PARP4: variants seen among roughly 807,000 people sequenced by gnomAD.
The protein encoded by PARP4 is poly(ADP-ribose) polymerase family member 4.
Under a neutral mutation model 187.7 loss-of-function variants are expected in PARP4, and 120 were observed. The ratio of observed to expected loss-of-function variants is 0.64; its 90% CI spans 0.55 to 0.74. The LOEUF is 0.74. PARP4 is among the 30% of genes least tolerant of loss of function. The probability of loss-of-function intolerance (pLI) is 0.00; values close to 1 mark genes in which losing one functional copy is unlikely to be tolerated. For missense variants in PARP4, 1,836 were observed against 2,070.5 expected (o/e 0.89, Z 2.20); for synonymous variants, 654 against 740.9 (o/e 0.88, Z 1.90).
In PARP4 at chr13:24,434,993, C is replaced by G. The variant is rs1227665378; in HGVS notation, c.4148G>C (p.Cys1383Ser). The G allele has an allele frequency of 2.5e-6, 4 of 1,613,810 alleles. No homozygotes were observed. The highest frequency in any genetic ancestry group is 3.4e-6 in the Non-Finnish European group (4 of 1,179,960). ...CADWIPQSAS[C>S]PTGPPQNPPS... ...TGGGTTCTGGGGAGGTCCTGTGGGACAAGACGCCGACTGTGGGATCCAGTC... is the reference window on the plus strand; with the variant it reads ...TGGGTTCTGGGGAGGTCCTGTGGGAGAAGACGCCGACTGTGGGATCCAGTC... The change falls in exon 31 of 34, where the codon TGT becomes TCT. Residue 1383 changes from cysteine (C) to serine (S), a missense_variant. Cys to Ser is a moderately radical substitution (Grantham distance 112). This residue lies in a region of PARP4 where 450 missense variants were observed against 439.2 expected (regional missense o/e 1.02). Transcript: ENST00000381989.
intron 12 of PARP4, among the ~76,000 whole-genome samples, chr13:24,480,737 A>G (rs1234748030): frequency 1.3e-5 from 2 of 152,254 alleles, no homozygotes; most frequent in African/African-American, 2.4e-5. Context: ...AGAGGTGAGG[A>G]AACTGCAGAA....
In PARP4 at chr13:24,432,736, T is replaced by C. The variant is rs184249117; in HGVS notation, c.4747-1260A>G. ...TGACAGTTTTTTCTAAGCATAAAAT[T>C]GTTATATTAAACATGCACTTTAAAA... On this transcript the variant is annotated intron_variant, in intron 31 of 33. Coordinates refer to ENST00000381989, the MANE Select transcript of PARP4 (RefSeq NM_006437.4). Among the ~76,000 whole-genome samples, 16 of 151,914 alleles carry C rather than the reference T, an allele frequency of 1.1e-4. No individual in the cohort carries two copies. In the East Asian group the frequency reaches 2.9e-3, roughly 27 times the overall value.
At chr13:24,437,085 C>A (rs1430258274) in intron 30 of PARP4, among the ~76,000 whole-genome samples, 1 of 151,890 alleles carries the variant, frequency 6.6e-6, no homozygotes, top group African/African-American at 2.4e-5. Context: ...GTAAGTCCAG[C>A]AATAGCTCCT....
At chr13:24,440,520 A>C (rs968417861) in intron 30 of PARP4, among the ~76,000 whole-genome samples, 1 of 151,550 alleles carries the variant, frequency 6.6e-6, no homozygotes, top group African/African-American at 2.4e-5. Context: ...CGTTTCAGAC[A>C]CCTTTGAGAA....
intron 23 of PARP4, among the ~76,000 whole-genome samples, chr13:24,453,229 C>T (rs907705530): frequency 1.3e-5 from 2 of 151,260 alleles, no homozygotes; most frequent in Admixed American, 1.3e-4. Flanking sequence ...AGACACCACA[C>T]CCAGCATTTC....
rs755760180 is a variant in PARP4 at position 24,490,851 on chromosome 13, G to A, written c.1054-23C>T. The A allele has an allele frequency of 1.9e-6, 3 of 1,593,608 alleles. No homozygotes were observed. In the South Asian group the frequency reaches 3.4e-5, roughly 18 times the overall value. On this transcript the variant is annotated intron_variant, in intron 9 of 33. Coordinates refer to ENST00000381989, the MANE Select transcript of PARP4 (RefSeq NM_006437.4). Reference sequence around the variant, plus strand: ...TAGCTGTAGGTGGAAATAATACACAGATGTCAGAATCACCACATATCAAAA... The same window carrying A: ...TAGCTGTAGGTGGAAATAATACACAAATGTCAGAATCACCACATATCAAAA...
chr13:24,463,055 T>C (rs1872288930), intron 17 of PARP4, among the ~76,000 whole-genome samples: 1 of 151,932 alleles, frequency 6.6e-6, no homozygotes, highest in African/African-American at 2.4e-5. Context: ...AAATAAGCAA[T>C]AAATTTAAAA....
intron 6 of PARP4, among the ~76,000 whole-genome samples, chr13:24,495,781 T>C (rs1439125003): frequency 2.0e-5 from 3 of 152,124 alleles, no homozygotes; most frequent in Non-Finnish European, 2.9e-5. Context: ...ACTTGGAAAA[T>C]AGGAGTGCCT....
intron 12 of PARP4, among the ~76,000 whole-genome samples, chr13:24,483,485 TC>T (rs1873387952): frequency 1.0e-5 from 1 of 96,282 alleles, no homozygotes; most frequent in Non-Finnish European, 2.1e-5. Flanking sequence ...AGAGCGAGAC[TC>T]CGTCTCAAAA....
intron 20 of PARP4, among the ~76,000 whole-genome samples, chr13:24,458,332 A>C (rs1220471601): frequency 6.6e-6 from 1 of 151,664 alleles, no homozygotes; most frequent in Admixed American, 6.6e-5. Context: ...GATGGTCTCG[A>C]TCTCCTGACC....
chr13:24,473,726 T>C (rs1307565211), intron 15 of PARP4, among the ~76,000 whole-genome samples: 6 of 152,106 alleles, frequency 3.9e-5, no homozygotes, highest in African/African-American at 1.4e-4. Flanking sequence ...TGATCAGCCT[T>C]TCACCCCCAC....
At chr13:24,487,462 T>C (rs1185963385) in intron 10 of PARP4, among the ~76,000 whole-genome samples, 1 of 152,090 alleles carries the variant, frequency 6.6e-6, no homozygotes, top group Non-Finnish European at 1.5e-5. Context: ...AAGGACACTG[T>C]AGACAGGATA....
intron 18 of PARP4, among the ~76,000 whole-genome samples, chr13:24,459,714 A>C (rs1872098831): frequency 1.3e-5 from 2 of 152,224 alleles, no homozygotes; most frequent in South Asian, 4.1e-4. Context: ...CTAGTTCTTC[A>C]TGATGAACTT....
At chr13:24,508,993 A>G (rs964760793) in intron 1 of PARP4, among the ~76,000 whole-genome samples, 1 of 152,238 alleles carries the variant, frequency 6.6e-6, no homozygotes, top group African/African-American at 2.4e-5. Context: ...TTGGTATCAT[A>G]AAAAGCTATG....
At chr13:24,474,606 T>TCCTG (rs1370715527) in intron 15 of PARP4, among the ~76,000 whole-genome samples, 1 of 151,396 alleles carries the variant, frequency 6.6e-6, no homozygotes, top group East Asian at 1.9e-4. Flanking sequence ...CTCGGCCACG[T>TCCTG]CCTGCCTCCC....
At chr13:24,471,399 G>A (rs765346198) in intron 15 of PARP4, among the ~76,000 whole-genome samples, 1 of 152,102 alleles carries the variant, frequency 6.6e-6, no homozygotes, top group African/African-American at 2.4e-5. Context: ...CTGTGTGGCT[G>A]GGCACTCACA....
intron 18 of PARP4, chr13:24,459,520 T>C (rs1872074923): frequency 4.4e-6 from 2 of 453,820 alleles, no homozygotes; most frequent in Non-Finnish European, 7.7e-6. Context: ...ACTCTACATA[T>C]GTCTGTGTGT....
At chr13:24,423,139 A>T (rs1284788777) in intron 33 of PARP4, among the ~76,000 whole-genome samples, 3 of 152,244 alleles carry the variant, frequency 2.0e-5, no homozygotes, top group Non-Finnish European at 4.4e-5. Flanking sequence ...GTGCCTATTA[A>T]GTCAATACTA....
chr13:24,501,878 A>G (rs1484273995), intron 2 of PARP4, 44 bp from the exon 3 acceptor site: 1 of 1,069,586 alleles, frequency 9.3e-7, no homozygotes, highest in Admixed American at 1.9e-5. Context: ...AAGAAAAACA[A>G]CATTTAAATA....
Sources: gnomAD v4.1 joint callset for allele counts (sites outside exome capture counted in the v4.1 genomes callset) on GRCh38, gnomAD v4.1.1 for gene constraint, gnomAD v4.1.1 regional missense constraint, MANE v1.5 for transcripts, NCBI Gene and HGNC (gene_info 2026-07-23, HGNC 2026-07-21) for gene names.